Variants in HTT observed in about 807,000 individuals in gnomAD.
HTT encodes the protein huntington disease protein.
Under a neutral mutation model 362.3 loss-of-function variants are expected in HTT, and 104 were observed. The observed-to-expected ratio is 0.29, with a 90% CI of 0.24 to 0.34. The LOEUF is 0.34. HTT is among the 10% of genes least tolerant of loss of function. HTT has a pLI of 1.00. For missense variants in HTT, 3,301 were observed against 3,928.6 expected, an observed-to-expected ratio of 0.84 and a Z score of 4.27; for synonymous variants, 1,577 against 1,548.7, an observed-to-expected ratio of 1.02 and a Z score of -0.43.
In HTT at chr4:3,206,768, A is replaced by T. The variant is rs1187773181; in HGVS notation, c.5899-39A>T. 6.3e-7 allele frequency: 1 copy of T among 1,591,366 alleles called. No homozygotes were observed. The highest frequency in any genetic ancestry group is 8.6e-7 in the Non-Finnish European group (1 of 1,166,830). The stretch of plus-strand genomic sequence containing the variant: ...TTTTTAACTTTAATTTCTGATTTGC[A>T]AAATAGTCATCTTTTGTTCTTTTCC... On this transcript the variant is annotated intron_variant, in intron 43 of 66. Coordinates refer to ENST00000355072, the MANE Select transcript of HTT (RefSeq NM_001388492.1). The surrounding 1 kb of genome is among the most constrained non-coding windows in gnomAD (Gnocchi z 4.6).
intron 64 of HTT, among the ~76,000 whole-genome samples, chr4:3,236,947 G>C (rs1721566072): frequency 6.6e-6 from 1 of 152,198 alleles, no homozygotes; most frequent in Non-Finnish European, 1.5e-5. Context: ...CTCCAATCAG[G>C]GTGGCCAGTG....
chr4:3,149,903 C>T (rs1036810751), intron 26 of HTT, among the ~76,000 whole-genome samples: 2 of 152,210 alleles, frequency 1.3e-5, no homozygotes, highest in South Asian at 2.1e-4. Flanking sequence ...TCCATAGCAG[C>T]GTTTCCCGCC....
chr4:3,224,150 G>A lies in HTT; in HGVS notation c.7765+19G>A, dbSNP rs142325393. 106 of 1,613,570 alleles carry A rather than the reference G, an allele frequency of 6.6e-5. No individual in the cohort carries two copies. The South Asian group carries it at 1.0e-3, about 16-fold the overall frequency. On this transcript the variant is annotated intron_variant, in intron 56 of 66. Coordinates refer to ENST00000355072, the MANE Select transcript of HTT (RefSeq NM_001388492.1). ...ACTACAGGTACCTGAGGGAAAGGGT[G>A]CGGGGGAGCGGTTGTACTTGGGCTA...
chr4:3,129,749 TA>T (rs1433353209), intron 12 of HTT, 174 bp from the exon 13 acceptor site: 2 of 630,162 alleles, frequency 3.2e-6, no homozygotes, highest in African/African-American at 3.8e-5. Context: ...GAGTGATCAG[TA>T]AGCTCTTAGC....
At chr4:3,223,286 CT>C in intron 54 of HTT, 119 bp from the exon 55 acceptor site, 1 of 982,426 alleles carries the variant, frequency 1.0e-6, no homozygotes, top group Admixed American at 2.9e-5. Context: ...GACAGAAATC[CT>C]TTGGTAGCAC....
chr4:3,155,058 CT>C (rs1039098642), intron 27 of HTT, among the ~76,000 whole-genome samples: 18 of 151,954 alleles, frequency 1.2e-4, no homozygotes, highest in African/African-American at 4.4e-4. Context: ...CATGAAGTGA[CT>C]GCTGCTGCCT....
chr4:3,212,809 ACCAGT>A, intron 49 of HTT, 100 bp downstream of exon 49: 1 of 1,251,010 alleles, frequency 8.0e-7, no homozygotes, highest in Non-Finnish European at 1.1e-6. Flanking sequence ...AAGATCTCTG[ACCAGT>A]CCAGTCACTT....
chr4:3,173,021 A>G lies in HTT; in HGVS notation c.4056A>G (p.Pro1352=), dbSNP rs770996085. The G allele has an allele frequency of 4.3e-6, 7 of 1,614,058 alleles. No homozygotes were observed. The highest frequency in any genetic ancestry group is 1.3e-5 in the African/African-American group (1 of 74,936). ...AQRLGSSSVR[P]GLYHYCFMAP... is the part of the protein sequence containing the mutation. Reference sequence around the variant, plus strand: ...GCCTTGGCTCCTCCAGTGTGAGGCCAGGCTTGTACCACTACTGCTTCATGG... The same window carrying G: ...GCCTTGGCTCCTCCAGTGTGAGGCCGGGCTTGTACCACTACTGCTTCATGG... The change falls in exon 31 of 67, where the codon CCA becomes CCG. Residue 1352 remains proline, a synonymous_variant. Coordinates refer to ENST00000355072, the MANE Select transcript of HTT (RefSeq NM_001388492.1).
intron 40 of HTT, among the ~76,000 whole-genome samples, chr4:3,191,463 C>G (rs1053165596): frequency 6.6e-6 from 1 of 152,134 alleles, no homozygotes; most frequent in Non-Finnish European, 1.5e-5. Context: ...TGAGCCACCG[C>G]ACCCGGCCCG....
chr4:3,122,133 G>A (rs61792507), intron 9 of HTT, among the ~76,000 whole-genome samples: 8,533 of 152,254 alleles, frequency 0.056, 290 homozygotes, highest in African/African-American at 0.093. Context: ...CCAGCTCTGC[G>A]TCTGCCTCCA....
intron 7 of HTT, 131 bp from the exon 8 acceptor site, chr4:3,115,954 C>T (rs1339277769): frequency 2.4e-5 from 20 of 826,708 alleles, no homozygotes; most frequent in Admixed American, 6.2e-5. Context: ...CAGTGGGCCT[C>T]ATGGCGTACT....
At chr4:3,187,587 A>G in intron 38 of HTT, 64 bp from the exon 39 acceptor site, 1 of 1,169,072 alleles carries the variant, frequency 8.6e-7, no homozygotes. Context: ...CAAAATTGGC[A>G]ATTGGGGGAA....
chr4:3,232,266 G>A (rs1027241836), intron 60 of HTT, among the ~76,000 whole-genome samples: 40 of 152,132 alleles, frequency 2.6e-4, no homozygotes, highest in African/African-American at 7.5e-4. Context: ...CTTCTGTGTC[G>A]TCCGGCCATT....
chr4:3,099,472 C>A, intron 3 of HTT, 78 bp downstream of exon 3: 2 of 1,588,918 alleles, frequency 1.3e-6, no homozygotes, highest in Non-Finnish European at 1.7e-6. Flanking sequence ...ATTGAGTGTT[C>A]TTCTGTTTTG....
At chr4:3,173,173 A>C (rs762486490) in intron 31 of HTT, 42 bp downstream of exon 31, 121 of 1,488,364 alleles carry the variant, frequency 8.1e-5, no homozygotes, top group Non-Finnish European at 1.1e-4. Context: ...TGGAAGCACG[A>C]AAGAGCAAGC....
chr4:3,229,087 ACCGCC>A, intron 59 of HTT, 78 bp downstream of exon 59: 3 of 1,384,938 alleles, frequency 2.2e-6, no homozygotes, highest in Non-Finnish European at 2.0e-6. Flanking sequence ...ACACACACAC[ACCGCC>A]CACACACATG....
chr4:3,220,371 G>GC, intron 53 of HTT, 63 bp downstream of exon 53: 1 of 1,539,158 alleles, frequency 6.5e-7, no homozygotes, highest in Non-Finnish European at 9.0e-7. Context: ...GAAATCCAGA[G>GC]CCCCCAGTAC....
intron 1 of HTT, among the ~76,000 whole-genome samples, chr4:3,079,669 G>A (rs1712784068): frequency 6.6e-6 from 1 of 152,162 alleles, no homozygotes; most frequent in Admixed American, 6.6e-5. Context: ...AAAGATATTG[G>A]CATTTATGTG....
rs363114 is a variant in HTT, at chr4:3,200,708, G to A, written c.5576+769G>A. ...AGGGCCAGTTCATGGCACTCAGCTGGAAAGTCCACTGTTGGGAGGCATTCT... is the reference window on the plus strand; with the variant it reads ...AGGGCCAGTTCATGGCACTCAGCTGAAAAGTCCACTGTTGGGAGGCATTCT... On this transcript the variant is annotated intron_variant, in intron 41 of 66. Transcript: ENST00000355072. Among the ~76,000 whole-genome samples, 1,230 of 152,326 alleles carry A rather than the reference G, an allele frequency of 8.1e-3. 20 individuals are homozygous for A. Among genetic ancestry groups the A allele is most frequent in the African/African-American group, 0.028 (1,179 of 41,558 alleles).
Sources: gnomAD v4.1 joint callset for allele counts (sites outside exome capture counted in the v4.1 genomes callset) on GRCh38, gnomAD v4.1.1 for gene constraint, Gnocchi (gnomAD v3.1) non-coding constraint, MANE v1.5 for transcripts, NCBI Gene and HGNC (gene_info 2026-07-23, HGNC 2026-07-21) for gene names.